The following PLS1 variants were observed in gnomAD, a reference collection of about 807,000 sequenced individuals.
The protein encoded by PLS1 is plastin-1.
A neutral mutation model predicts 73.7 loss-of-function variants in PLS1; 32 were observed. The observed-to-expected ratio is 0.43, with a 90% CI of 0.33 to 0.58. PLS1 has a LOEUF of 0.58. PLS1 is among the 20% of genes least tolerant of loss of function. The pLI, the probability that PLS1 is intolerant of heterozygous loss-of-function variation, is 0.04. For missense variants in PLS1, 633 were observed against 740.5 expected, an observed-to-expected ratio of 0.85 and a Z score of 1.68; for synonymous variants, 217 against 261.3, an observed-to-expected ratio of 0.83 and a Z score of 1.63.
At chr3:142,710,982 T>C (rs891016227) in intron 14 of PLS1, among the ~76,000 whole-genome samples, 2 of 152,156 alleles carry the variant, frequency 1.3e-5, no homozygotes, top group Admixed American at 1.3e-4. Flanking sequence ...CTTCATCTTT[T>C]TTTAAAAAAG....
intron 1 of PLS1, chr3:142,645,393 C>T (rs190477294): frequency 6.6e-6 from 1 of 152,310 alleles, no homozygotes; most frequent in Non-Finnish European, 1.5e-5. Flanking sequence ...GAGTGAAAAA[C>T]TTCAAGTTTT....
chr3:142,661,771 CTAAG>C (rs2037376864), intron 1 of PLS1, among the ~76,000 whole-genome samples: 1 of 152,136 alleles, frequency 6.6e-6, no homozygotes, highest in African/African-American at 2.4e-5. Context: ...TCTGATAGAA[CTAAG>C]TGTTTATGAG....
intron 1 of PLS1, among the ~76,000 whole-genome samples, chr3:142,596,829 C>T (rs1363729513): frequency 1.3e-5 from 2 of 152,148 alleles, no homozygotes; most frequent in Admixed American, 6.5e-5. Context: ...GGGTGGCTGC[C>T]GGTGAGGCTT....
chr3:142,658,153 A>G (rs965551877), intron 1 of PLS1, among the ~76,000 whole-genome samples: 2 of 152,220 alleles, frequency 1.3e-5, no homozygotes, highest in Non-Finnish European at 1.5e-5. Flanking sequence ...GCATTTTGCC[A>G]TAACTGCTTC....
chr3:142,643,799 T>C (rs1378407587), intron 1 of PLS1, among the ~76,000 whole-genome samples: 1 of 151,846 alleles, frequency 6.6e-6, no homozygotes, highest in Admixed American at 6.6e-5. Context: ...CTACAGTAGT[T>C]CTGCTCTTGT....
At chr3:142,630,200 T>C (rs2036523956) in intron 1 of PLS1, among the ~76,000 whole-genome samples, 2 of 151,664 alleles carry the variant, frequency 1.3e-5, no homozygotes, top group Admixed American at 6.6e-5. Context: ...GGCAGGTAGA[T>C]CACTTGAGGC....
chr3:142,681,686 G>C (rs2037860659), intron 6 of PLS1, among the ~76,000 whole-genome samples: 1 of 152,182 alleles, frequency 6.6e-6, no homozygotes, highest in South Asian at 2.1e-4. Flanking sequence ...TGGGCATTCA[G>C]GGCAGTTGTC....
chr3:142,674,663 T>C (rs1480174023), intron 4 of PLS1, among the ~76,000 whole-genome samples: 1 of 152,174 alleles, frequency 6.6e-6, no homozygotes, highest in African/African-American at 2.4e-5. Context: ...AGCCATGTGT[T>C]GAGAAGTTGT....
intron 4 of PLS1, among the ~76,000 whole-genome samples, chr3:142,672,502 C>T (rs2037625573): frequency 1.3e-5 from 2 of 151,854 alleles, no homozygotes; most frequent in Non-Finnish European, 2.9e-5. Flanking sequence ...GCCAACACGC[C>T]CAGCTAATGT....
chr3:142,711,784 T>C, intron 15 of PLS1, 88 bp from the exon 16 acceptor site: 1 of 1,470,844 alleles, frequency 6.8e-7, no homozygotes. Context: ...GTAAAACTAA[T>C]CTTGTCAAAA....
intron 1 of PLS1, among the ~76,000 whole-genome samples, chr3:142,626,033 T>C (rs1216883540): frequency 6.6e-6 from 1 of 152,206 alleles, no homozygotes; most frequent in African/African-American, 2.4e-5. Flanking sequence ...CAGGAGGCTG[T>C]GTCTTGCTAT....
At chr3:142,657,941 T>C (rs1480149313) in intron 1 of PLS1, among the ~76,000 whole-genome samples, 1 of 152,230 alleles carries the variant, frequency 6.6e-6, no homozygotes, top group Non-Finnish European at 1.5e-5. Flanking sequence ...TTCAAAAACA[T>C]ATTCTTGGTC....
chr3:142,607,707 G>C (rs980052968), intron 1 of PLS1, among the ~76,000 whole-genome samples: 5 of 152,022 alleles, frequency 3.3e-5, no homozygotes, highest in Non-Finnish European at 5.9e-5. Context: ...TCCCTTTTCT[G>C]TTCCAGGATC....
intron 1 of PLS1, among the ~76,000 whole-genome samples, chr3:142,600,912 A>ATTTT (rs1560024555): frequency 6.3e-4 from 13 of 20,784 alleles, no homozygotes; most frequent in Non-Finnish European, 7.4e-4. Flanking sequence ...ATATATATAT[A>ATTTT]TATATTTTTT....
At chr3:142,613,672 G>T (rs953145347) in intron 1 of PLS1, among the ~76,000 whole-genome samples, 2 of 152,174 alleles carry the variant, frequency 1.3e-5, no homozygotes, top group Admixed American at 1.3e-4. Context: ...CCACCCTGGG[G>T]TGCGTCTCTT....
intron 9 of PLS1, among the ~76,000 whole-genome samples, chr3:142,687,097 A>G (rs1440002466): frequency 1.3e-5 from 2 of 152,168 alleles, no homozygotes; most frequent in Admixed American, 6.5e-5. Context: ...CATAAGTTAT[A>G]AATACCAGGG....
chr3:142,617,403 C>T (rs2036234884), intron 1 of PLS1, among the ~76,000 whole-genome samples: 1 of 152,194 alleles, frequency 6.6e-6, no homozygotes, highest in Non-Finnish European at 1.5e-5. Flanking sequence ...TAGTGATCAT[C>T]ATAGTAACTG....
At chr3:142,676,588 T>C (rs2037730953) in intron 5 of PLS1, among the ~76,000 whole-genome samples, 1 of 152,224 alleles carries the variant, frequency 6.6e-6, no homozygotes, top group African/African-American at 2.4e-5. Context: ...GGGTTTCTCT[T>C]TTCTTTTTCC....
intron 1 of PLS1, among the ~76,000 whole-genome samples, chr3:142,633,901 AGAC>A (rs1560040634): frequency 6.6e-6 from 1 of 152,214 alleles, no homozygotes; most frequent in Non-Finnish European, 1.5e-5. Context: ...CACAGTTATT[AGAC>A]TTTTCAGACA....
Sources: allele counts gnomAD v4.1 joint callset (sites outside exome capture counted in the v4.1 genomes callset), GRCh38; gene constraint gnomAD v4.1.1; transcripts MANE v1.5; gene names NCBI Gene and HGNC (gene_info 2026-07-23, HGNC 2026-07-21).